FLT1: variants seen among roughly 807,000 people sequenced by gnomAD.
FLT1 encodes the protein fms related receptor tyrosine kinase 1, also known as vascular endothelial growth factor receptor 1.
Under a neutral mutation model 156.3 loss-of-function variants are expected in FLT1, and 49 were observed. The ratio of observed to expected loss-of-function variants is 0.31; its 90% CI spans 0.25 to 0.40. The LOEUF (loss-of-function observed/expected upper bound fraction) is 0.40. Among genes scored for constraint, FLT1 ranks in the 10% least tolerant of loss-of-function variants. The pLI is 1.00. For synonymous variants in FLT1, 594 were observed against 583.8 expected (o/e 1.02, Z -0.25); for missense variants, 1,322 against 1,637.2 (o/e 0.81, Z 3.32).
chr13:28,467,109 C>T lies in FLT1; in HGVS notation c.182G>A (p.Trp61Ter). Residue 61 changes from tryptophan (W) to a stop codon, truncating the protein, a stop_gained, in exon 3 of 30, where the codon TGG becomes TAG. Coordinates refer to ENST00000282397, the MANE Select transcript of FLT1 (RefSeq NM_002019.4). LOFTEE classifies it high-confidence loss of function. Reference sequence around the variant, plus strand: ...CTTACTCACCATTTCAGGCAAAGACCATTTATGGGCTGCTTCCCCCCTGCA... The same window carrying T: ...CTTACTCACCATTTCAGGCAAAGACTATTTATGGGCTGCTTCCCCCCTGCA... ...LQCRGEAAHK[W>*]SLPEMVSKES... The T allele has an allele frequency of 6.2e-7, 1 of 1,613,808 alleles. No individual in the cohort carries two copies. The highest frequency in any genetic ancestry group is 8.5e-7 in the Non-Finnish European group (1 of 1,179,892).
chr13:28,422,237 C>T (rs193015868), intron 10 of FLT1, among the ~76,000 whole-genome samples: 2 of 152,286 alleles, frequency 1.3e-5, no homozygotes, highest in East Asian at 1.9e-4. Context: ...TGTTTCTCTA[C>T]ATATTTTGAC....
At chr13:28,421,233 C>T (rs78035762) in intron 10 of FLT1, among the ~76,000 whole-genome samples, 6 of 152,218 alleles carry the variant, frequency 3.9e-5, no homozygotes, top group Non-Finnish European at 7.4e-5. Flanking sequence ...GTTTTGCAAG[C>T]GGTTCCTTGA....
intron 1 of FLT1, among the ~76,000 whole-genome samples, chr13:28,471,681 G>A (rs1880189989): frequency 1.3e-5 from 2 of 152,124 alleles, no homozygotes; most frequent in Admixed American, 6.5e-5. Flanking sequence ...TTTCAAGGGT[G>A]GAGTGCTATA....
At chr13:28,374,809 G>A (rs1209254839) in intron 14 of FLT1, among the ~76,000 whole-genome samples, 5 of 151,924 alleles carry the variant, frequency 3.3e-5, no homozygotes, top group East Asian at 1.9e-4. Flanking sequence ...CACCGTGCCC[G>A]GCCCTCCTAT....
In FLT1 at chr13:28,425,477, T is replaced by A. The variant is rs564535475; in HGVS notation, c.1436+1682A>T. 5.6e-4 allele frequency among the ~76,000 whole-genome samples: 85 copies of A among 152,274 alleles called. 3 individuals are homozygous for A. In the South Asian group the frequency reaches 0.017, roughly 31 times the overall value. The stretch of plus-strand genomic sequence containing the variant: ...GGAAAGAAAGCTAATGTTTACAAAG[T>A]TCCATTCGAGGTGGCCTCATTCCCC... On this transcript the variant is annotated intron_variant, in intron 10 of 29. Transcript: ENST00000282397.
At chr13:28,468,567 G>A (rs1041665142) in intron 1 of FLT1, among the ~76,000 whole-genome samples, 2 of 152,142 alleles carry the variant, frequency 1.3e-5, no homozygotes, top group African/African-American at 4.8e-5. Context: ...CAATTCTGAT[G>A]GTGAATTGTA....
chr13:28,303,474 A>C, intron 29 of FLT1, 106 bp from the exon 30 acceptor site: 2 of 927,374 alleles, frequency 2.2e-6, no homozygotes. Context: ...ATACCTGTCT[A>C]GAGTTCATGG....
intron 28 of FLT1, among the ~76,000 whole-genome samples, chr13:28,307,799 A>T (rs1974024): frequency 0.96 from 146,116 of 151,702 alleles, 70,613 homozygotes; most frequent in East Asian, 1. Flanking sequence ...GACGGAGTCC[A>T]GCTCTGTCGC....
At chr13:28,425,213 T>A (rs1877270102) in intron 10 of FLT1, among the ~76,000 whole-genome samples, 2 of 152,184 alleles carry the variant, frequency 1.3e-5, no homozygotes, top group African/African-American at 4.8e-5. Context: ...GGCAGATAAT[T>A]TCAAGCAGCA....
chr13:28,319,151 T>C (rs1367224565), intron 24 of FLT1, among the ~76,000 whole-genome samples: 1 of 152,174 alleles, frequency 6.6e-6, no homozygotes, highest in African/African-American at 2.4e-5. Context: ...AGTACTTTGC[T>C]TCAGACTTTA....
chr13:28,412,174 AGC>A (rs1876241412), intron 10 of FLT1, among the ~76,000 whole-genome samples: 1 of 152,226 alleles, frequency 6.6e-6, no homozygotes. Flanking sequence ...GCCATCCTGT[AGC>A]AGGGCCTGAT....
chr13:28,492,143 T>C (rs1188057430), intron 1 of FLT1, among the ~76,000 whole-genome samples: 1 of 152,244 alleles, frequency 6.6e-6, no homozygotes, highest in Non-Finnish European at 1.5e-5. Context: ...AAATTAACTT[T>C]ATTATAAGAG....
chr13:28,388,658 C>T (rs1874517928), intron 13 of FLT1: 1 of 1,056,276 alleles, frequency 9.5e-7, no homozygotes, highest in Non-Finnish European at 1.1e-6. Flanking sequence ...TTTGCCGCTT[C>T]TTAATCCCCA....
At chr13:28,348,858 G>A (rs1279753933) in intron 15 of FLT1, among the ~76,000 whole-genome samples, 9 of 151,592 alleles carry the variant, frequency 5.9e-5, no homozygotes, top group African/African-American at 1.9e-4. Flanking sequence ...GCAGTGAGCC[G>A]AGATGGTGCC....
At chr13:28,479,151 A>G (rs1023839744) in intron 1 of FLT1, among the ~76,000 whole-genome samples, 1 of 152,212 alleles carries the variant, frequency 6.6e-6, no homozygotes, top group African/African-American at 2.4e-5. Flanking sequence ...GCAACCAATA[A>G]TATATACAAA....
chr13:28,488,813 C>A (rs968132813), intron 1 of FLT1, among the ~76,000 whole-genome samples: 1 of 152,136 alleles, frequency 6.6e-6, no homozygotes, highest in East Asian at 1.9e-4. Flanking sequence ...TAACCAAGGC[C>A]CCTATTAAAA....
chr13:28,309,640 T>A (rs370293028), intron 27 of FLT1, among the ~76,000 whole-genome samples: 121 of 152,206 alleles, frequency 7.9e-4, no homozygotes, highest in African/African-American at 2.8e-3. Flanking sequence ...AGGGTCCACA[T>A]ATAACTTTGC....
intron 5 of FLT1, 45 bp downstream of exon 5, chr13:28,434,013 A>G: frequency 6.2e-7 from 1 of 1,613,948 alleles, no homozygotes; most frequent in Non-Finnish European, 8.5e-7. Flanking sequence ...AGATAAAAAT[A>G]CAGAGCACTT....
In FLT1 at chr13:28,343,673, C is replaced by T. The variant is rs537880053; in HGVS notation, c.2355+1772G>A. Among the ~76,000 whole-genome samples, 7 of 149,226 alleles carry T rather than the reference C, an allele frequency of 4.7e-5. No individual in the cohort carries two copies. In the South Asian group the frequency reaches 6.4e-4, roughly 14 times the overall value. The stretch of plus-strand genomic sequence containing the variant: ...TTTTTTTTTTTCTGAGACAGAGTCT[C>T]GCTTTGTAGCCCAGGCTGGAGTGCA... On this transcript the variant is annotated intron_variant, in intron 16 of 29. Coordinates refer to ENST00000282397, the MANE Select transcript of FLT1 (RefSeq NM_002019.4).
Sources: allele counts gnomAD v4.1 joint callset (sites outside exome capture counted in the v4.1 genomes callset), GRCh38; gene constraint gnomAD v4.1.1; transcripts MANE v1.5; gene names NCBI Gene and HGNC (gene_info 2026-07-23, HGNC 2026-07-21).